Variants in ROBO2 observed in about 807,000 individuals in gnomAD.
ROBO2 encodes roundabout guidance receptor 2.
ROBO2 carries 53 observed loss-of-function variants against 160.8 expected under a neutral mutation model. The ratio of observed to expected loss-of-function variants is 0.33; its 90% CI spans 0.26 to 0.41. ROBO2 has a LOEUF of 0.41. Among genes scored for constraint, ROBO2 ranks in the 10% least tolerant of loss-of-function variants. The pLI is 1.00. For missense variants in ROBO2, 1,577 were observed against 1,722.4 expected (o/e 0.92, Z 1.49); for synonymous variants, 664 against 611.7 (o/e 1.09, Z -1.26).
At chr3:77,557,566 A>G (rs889234740) in intron 8 of ROBO2, among the ~76,000 whole-genome samples, 2 of 151,848 alleles carry the variant, frequency 1.3e-5, no homozygotes, top group African/African-American at 4.8e-5. Flanking sequence ...CATATGAGAT[A>G]AAATGAACAT....
intron 1 of ROBO2, among the ~76,000 whole-genome samples, chr3:77,057,858 CG>C (rs2065912796): frequency 6.6e-6 from 1 of 151,882 alleles, no homozygotes; most frequent in Non-Finnish European, 1.5e-5. Flanking sequence ...CGTGAGCCAC[CG>C]CGTCCTGGCA....
chr3:76,718,530 A>G (rs2093417624), intron 2 of ROBO2, among the ~76,000 whole-genome samples: 1 of 152,168 alleles, frequency 6.6e-6, no homozygotes. Flanking sequence ...TCTTGGAACA[A>G]TTTACTGAAA....
At chr3:77,470,546 C>G (rs1006521278) in intron 2 of ROBO2, among the ~76,000 whole-genome samples, 6 of 152,146 alleles carry the variant, frequency 3.9e-5, no homozygotes, top group African/African-American at 1.4e-4. Context: ...ATGACGCTAT[C>G]TTTGGCACAT....
chr3:75,964,565 A>C (rs1345781326), intron 2 of ROBO2, among the ~76,000 whole-genome samples: 1 of 151,580 alleles, frequency 6.6e-6, no homozygotes, highest in East Asian at 1.9e-4. Flanking sequence ...ATTTGGTATA[A>C]TTCTGTTAAT....
intron 2 of ROBO2, among the ~76,000 whole-genome samples, chr3:77,029,209 A>G (rs2063163359): frequency 6.6e-6 from 1 of 152,138 alleles, no homozygotes; most frequent in South Asian, 2.1e-4. Flanking sequence ...ATTTATCAGT[A>G]CTTATTAATG....
intron 13 of ROBO2, among the ~76,000 whole-genome samples, chr3:77,572,820 C>T (rs2093671424): frequency 6.6e-6 from 1 of 151,846 alleles, no homozygotes. Context: ...ATAAATAAAA[C>T]AATACTGCAA....
chr3:76,267,573 CCT>C (rs1383814953), intron 2 of ROBO2, among the ~76,000 whole-genome samples: 2 of 151,996 alleles, frequency 1.3e-5, no homozygotes, highest in Admixed American at 6.6e-5. Flanking sequence ...TTTTTAATCA[CCT>C]GTGTCATATT....
chr3:76,517,623 C>G (rs1423807103), intron 2 of ROBO2, among the ~76,000 whole-genome samples: 1 of 152,092 alleles, frequency 6.6e-6, no homozygotes, highest in Non-Finnish European at 1.5e-5. Context: ...ATCAATTAAC[C>G]CATTTTATGA....
chr3:76,873,987 G>T (rs867643090), intron 2 of ROBO2, among the ~76,000 whole-genome samples: 1 of 152,116 alleles, frequency 6.6e-6, no homozygotes, highest in Non-Finnish European at 1.5e-5. Flanking sequence ...ATAGAATGGA[G>T]AGAGAACCAA....
intron 2 of ROBO2, among the ~76,000 whole-genome samples, chr3:76,365,247 C>G (rs575022401): frequency 6.6e-6 from 1 of 152,078 alleles, no homozygotes; most frequent in East Asian, 1.9e-4. Flanking sequence ...AAGAGGATAC[C>G]TTATTCTTTA....
At chr3:76,064,718 A>G (rs1160793707) in intron 2 of ROBO2, among the ~76,000 whole-genome samples, 1 of 152,188 alleles carries the variant, frequency 6.6e-6, no homozygotes, top group Non-Finnish European at 1.5e-5. Context: ...AAAAATACAT[A>G]CAATGTAGAA....
At chr3:76,082,719 T>A (rs547612583) in intron 2 of ROBO2, among the ~76,000 whole-genome samples, 60 of 152,250 alleles carry the variant, frequency 3.9e-4, no homozygotes, top group African/African-American at 1.4e-3. Context: ...ATTTTATTTT[T>A]CTTTAAAAAA....
chr3:76,121,351 A>T (rs1189172924), intron 2 of ROBO2, among the ~76,000 whole-genome samples: 1 of 152,158 alleles, frequency 6.6e-6, no homozygotes, highest in Non-Finnish European at 1.5e-5. Flanking sequence ...GGAGGAAAAT[A>T]ATTGTCTAAC....
chr3:76,906,027 G>A (rs764517406), intron 2 of ROBO2, among the ~76,000 whole-genome samples: 1 of 151,920 alleles, frequency 6.6e-6, no homozygotes, highest in Non-Finnish European at 1.5e-5. Flanking sequence ...CTTCTCCATG[G>A]TTTGCATTTG....
At chr3:76,388,995 T>C (rs372585171) in intron 2 of ROBO2, among the ~76,000 whole-genome samples, 4 of 152,282 alleles carry the variant, frequency 2.6e-5, no homozygotes, top group East Asian at 1.9e-4. Flanking sequence ...AAATGACATA[T>C]TGAAACTGTC....
intron 1 of ROBO2, among the ~76,000 whole-genome samples, chr3:75,919,048 G>T (rs1168318370): frequency 6.6e-6 from 1 of 151,956 alleles, no homozygotes; most frequent in Non-Finnish European, 1.5e-5. Context: ...TTGCTTGATT[G>T]CCCTGGCCAG....
intron 2 of ROBO2, among the ~76,000 whole-genome samples, chr3:77,427,822 GAA>G (rs1474357676): frequency 6.6e-6 from 1 of 152,156 alleles, no homozygotes; most frequent in African/African-American, 2.4e-5. Context: ...TATCAATAAA[GAA>G]TGCAATAAAT....
chr3:76,306,707 A>G (rs1472095572), intron 2 of ROBO2, among the ~76,000 whole-genome samples: 1 of 152,136 alleles, frequency 6.6e-6, no homozygotes, highest in Admixed American at 6.5e-5. Context: ...GATAACAGGG[A>G]CTTTGTCTGA....
At chr3:76,715,817 T>C (rs2093370098) in intron 2 of ROBO2, among the ~76,000 whole-genome samples, 1 of 152,210 alleles carries the variant, frequency 6.6e-6, no homozygotes, top group Admixed American at 6.5e-5. Flanking sequence ...GCCACTCTTT[T>C]ATTCTCTCTT....
Sources: gnomAD v4.1 joint callset for allele counts (sites outside exome capture counted in the v4.1 genomes callset) on GRCh38, gnomAD v4.1.1 for gene constraint, MANE v1.5 for transcripts, NCBI Gene and HGNC (gene_info 2026-07-23, HGNC 2026-07-21) for gene names.